DTD1: variants seen among roughly 807,000 people sequenced by gnomAD.
The protein encoded by DTD1 is D-aminoacyl-tRNA deacylase 1.
Under a neutral mutation model 25.6 loss-of-function variants are expected in DTD1, and 13 were observed. The observed-to-expected ratio is 0.51, with a 90% confidence interval of 0.33 to 0.81. The LOEUF is 0.81. DTD1 is among the 30% of genes least tolerant of loss of function. The pLI is 0.02. For missense variants in DTD1, 193 were observed against 266.4 expected, an observed-to-expected ratio of 0.72 and a Z score of 1.92; for synonymous variants, 110 against 103.6, an observed-to-expected ratio of 1.06 and a Z score of -0.37.
At chr20:18,608,515 A>G (rs192756711) in intron 3 of DTD1, among the ~76,000 whole-genome samples, 139 of 151,778 alleles carry the variant, frequency 9.2e-4, no homozygotes, top group Admixed American at 2.6e-3. Context: ...TTGTTTTTCT[A>G]GTTTCCTATG....
Position 18,641,020 on chromosome 20 carries a change from C to T in DTD1, c.477+12787C>T, listed in dbSNP as rs143158417. 2.0e-5 allele frequency among the ~76,000 whole-genome samples: 3 copies of T among 152,318 alleles called. No individual in the cohort carries two copies. In the East Asian group the frequency reaches 5.8e-4, roughly 29 times the overall value. On this transcript the variant is annotated intron_variant, in intron 4 of 5. Transcript: ENST00000377452. The stretch of plus-strand genomic sequence containing the variant: ...CTCTTCTCCCTTCAGCCACTGGCAA[C>T]GGCCCTTCTATAATACTTTCTGCCT...
At chr20:18,719,417 T>C (rs16979505) in intron 4 of DTD1, among the ~76,000 whole-genome samples, 47,246 of 152,210 alleles carry the variant, frequency 0.31, 8,128 homozygotes, top group South Asian at 0.43. Context: ...CCTTAAAATA[T>C]GGCATCTGAG....
intron 4 of DTD1, chr20:18,692,143 T>C (rs2061050000): frequency 6.6e-6 from 1 of 152,208 alleles, no homozygotes; most frequent in African/African-American, 2.4e-5. Context: ...CCAAACTGTG[T>C]TCTCCTCCAT....
At chr20:18,597,191 G>C (rs986583972) in intron 3 of DTD1, among the ~76,000 whole-genome samples, 2 of 95,214 alleles carry the variant, frequency 2.1e-5, no homozygotes, top group Non-Finnish European at 4.9e-5. Flanking sequence ...GTGTGTGTGT[G>C]TGTGTGTGTA....
chr20:18,590,573 C>T (rs560144231), intron 1 of DTD1, among the ~76,000 whole-genome samples: 2 of 152,198 alleles, frequency 1.3e-5, no homozygotes, highest in South Asian at 2.1e-4. Flanking sequence ...TGGGTTCAAG[C>T]GATTCTCATG....
chr20:18,725,158 A>G (rs746099463), intron 4 of DTD1, among the ~76,000 whole-genome samples: 1 of 152,330 alleles, frequency 6.6e-6, no homozygotes, highest in Non-Finnish European at 1.5e-5. Flanking sequence ...CTCACTTTTT[A>G]TTGCATGCAA....
intron 3 of DTD1, among the ~76,000 whole-genome samples, chr20:18,618,840 G>C (rs1430821131): frequency 6.6e-6 from 1 of 151,816 alleles, no homozygotes; most frequent in African/African-American, 2.4e-5. Context: ...AGCCTCCCGA[G>C]TAGCTGGGAT....
intron 4 of DTD1, among the ~76,000 whole-genome samples, chr20:18,739,302 T>A (rs575507482): frequency 1.3e-5 from 2 of 152,348 alleles, no homozygotes; most frequent in East Asian, 3.9e-4. Flanking sequence ...AAAACGCTTA[T>A]GTTTTCAGTG....
At chr20:18,611,278 C>T (rs2060685723) in intron 3 of DTD1, 2 of 152,192 alleles carry the variant, frequency 1.3e-5, no homozygotes, top group South Asian at 4.1e-4. Context: ...TCTTTTACAG[C>T]CTCCAATGAA....
chr20:18,665,031 A>G (rs557121345), intron 4 of DTD1, among the ~76,000 whole-genome samples: 12 of 152,326 alleles, frequency 7.9e-5, no homozygotes, highest in Non-Finnish European at 1.5e-4. Context: ...AGTAAATATT[A>G]CCACTCCTAT....
At chr20:18,603,785 G>A (rs2122261086) in intron 3 of DTD1, among the ~76,000 whole-genome samples, 1 of 116,228 alleles carries the variant, frequency 8.6e-6, no homozygotes, top group South Asian at 2.8e-4. Flanking sequence ...GTGTGTAGAG[G>A]GAAATTTATA....
intron 5 of DTD1, among the ~76,000 whole-genome samples, chr20:18,756,812 C>A (rs1316384364): frequency 6.6e-6 from 1 of 152,044 alleles, no homozygotes; most frequent in Non-Finnish European, 1.5e-5. Context: ...TGAAGAAAGT[C>A]ATTGGTAGCT....
At chr20:18,588,250 C>A in intron 1 of DTD1, 135 bp downstream of exon 1, 1 of 886,050 alleles carries the variant, frequency 1.1e-6, no homozygotes, top group Non-Finnish European at 1.5e-6. Flanking sequence ...TTCGCGAGCT[C>A]GGTCCGCGCA....
Position 18,592,675 on chromosome 20 carries a change from CT to C in DTD1, c.44-1040del, listed in dbSNP as rs34864266. 666 of 135,274 alleles carry C rather than the reference CT, an allele frequency of 4.9e-3. 2 individuals are homozygous for C. Among genetic ancestry groups the C allele is most frequent in the African/African-American group, 0.013 (482 of 36,778 alleles). The allele number at this position is 135,274 out of a possible 1,614,324, so 8.4% of individuals were successfully genotyped here. A position where few individuals can be genotyped will look rare whatever the true frequency, so the allele number is the denominator to read the frequency against. On this transcript the variant is annotated intron_variant, in intron 1 of 5. Transcript: ENST00000377452. ...GGGATTCTCCATCATAAAGATGCAT[CT>C]TTTTTTTTTTTTTTTGAGATGGAGA...
intron 4 of DTD1, among the ~76,000 whole-genome samples, chr20:18,713,418 G>A (rs2061167772): frequency 6.6e-6 from 1 of 152,256 alleles, no homozygotes; most frequent in Non-Finnish European, 1.5e-5. Flanking sequence ...GATTGGATGA[G>A]CAAGCCCTGC....
chr20:18,625,977 G>T (rs1217633316), intron 3 of DTD1, among the ~76,000 whole-genome samples: 1 of 152,236 alleles, frequency 6.6e-6, no homozygotes, highest in Non-Finnish European at 1.5e-5. Flanking sequence ...ATGTGGGCTT[G>T]CTCCCAGCCA....
chr20:18,656,928 A>C (rs2060893622), intron 4 of DTD1, among the ~76,000 whole-genome samples: 2 of 152,168 alleles, frequency 1.3e-5, no homozygotes, highest in South Asian at 4.1e-4. Flanking sequence ...TAAACTTTTT[A>C]ATTTTGAAAT....
At chr20:18,692,114 A>G (rs959702273) in intron 4 of DTD1, 2 of 152,136 alleles carry the variant, frequency 1.3e-5, no homozygotes, top group Admixed American at 1.3e-4. Flanking sequence ...CTGATTACCA[A>G]TGATGTGAGA....
chr20:18,589,679 G>GC (rs2060581454), intron 1 of DTD1, among the ~76,000 whole-genome samples: 1 of 152,208 alleles, frequency 6.6e-6, no homozygotes, highest in African/African-American at 2.4e-5. Flanking sequence ...GTCTGCTGCT[G>GC]TGTGTGGTCG....
Sources: allele counts gnomAD v4.1 joint callset (sites outside exome capture counted in the v4.1 genomes callset), GRCh38; gene constraint gnomAD v4.1.1; transcripts MANE v1.5; gene names NCBI Gene and HGNC (gene_info 2026-07-23, HGNC 2026-07-21).